The following FRYL variants were observed in gnomAD, a reference collection of about 807,000 sequenced individuals.
The protein encoded by FRYL is FRY like transcription coactivator, also known as protein furry homolog-like.
Under a neutral mutation model 351.2 loss-of-function variants are expected in FRYL, and 150 were observed. That is an observed-to-expected ratio of 0.43 (90% CI 0.37 to 0.49). FRYL has a LOEUF of 0.49. Among genes scored for constraint, FRYL ranks in the 20% least tolerant of loss-of-function variants. The probability of loss-of-function intolerance (pLI) is 0.00; values close to 1 mark genes in which losing one functional copy is unlikely to be tolerated. For missense variants in FRYL, 3,036 were observed against 3,619.3 expected, an observed-to-expected ratio of 0.84 and a Z score of 4.13; for synonymous variants, 1,153 against 1,257.1, an observed-to-expected ratio of 0.92 and a Z score of 1.75.
chr4:48,559,724 C>A, intron 33 of FRYL, among the ~76,000 whole-genome samples: 1 of 144,730 alleles, frequency 6.9e-6, no homozygotes, highest in African/African-American at 2.6e-5. Context: ...GAGACTCTGT[C>A]TCAAAAATAA....
chr4:48,688,868 T>C (rs1479857281), intron 2 of FRYL, among the ~76,000 whole-genome samples: 1 of 152,088 alleles, frequency 6.6e-6, no homozygotes, highest in Admixed American at 6.5e-5. Flanking sequence ...TTCACCATGT[T>C]GGCCAGGCTA....
intron 7 of FRYL, among the ~76,000 whole-genome samples, chr4:48,611,183 T>C (rs1171361874): frequency 6.6e-6 from 1 of 152,118 alleles, no homozygotes; most frequent in Non-Finnish European, 1.5e-5. Context: ...CATATAACAC[T>C]ACATACATCC....
chr4:48,682,182 C>T (rs570607913), intron 3 of FRYL, among the ~76,000 whole-genome samples: 1 of 152,188 alleles, frequency 6.6e-6, no homozygotes, highest in East Asian at 1.9e-4. Context: ...CAATGCTCAA[C>T]ATGAAGAAAA....
At chr4:48,728,368 C>T (rs1770322259) in intron 1 of FRYL, among the ~76,000 whole-genome samples, 1 of 151,226 alleles carries the variant, frequency 6.6e-6, no homozygotes, top group Non-Finnish European at 1.5e-5. Context: ...GAGGACGAAA[C>T]ACAAAACTCA....
At chr4:48,663,525 A>G (rs1488441290) in intron 3 of FRYL, among the ~76,000 whole-genome samples, 1 of 151,724 alleles carries the variant, frequency 6.6e-6, no homozygotes, top group African/African-American at 2.4e-5. Flanking sequence ...TACCTTCAAT[A>G]CAAGTGATCT....
At chr4:48,564,829 C>A (rs571581571) in intron 30 of FRYL, 104 bp downstream of exon 30, 6 of 609,134 alleles carry the variant, frequency 9.9e-6, no homozygotes, top group Non-Finnish European at 1.7e-5. Flanking sequence ...TGATCCTAAC[C>A]TATCTTATTT....
intron 59 of FRYL, among the ~76,000 whole-genome samples, chr4:48,507,088 T>C (rs1379803863): frequency 6.6e-6 from 1 of 152,228 alleles, no homozygotes; most frequent in African/African-American, 2.4e-5. Flanking sequence ...CTTGTCCAGT[T>C]TGTCCAAGTA....
At position 48,557,511 on chromosome 4, in the gene FRYL, C is replaced by T. The variant is rs1355747075; in HGVS notation, c.4067G>A (p.Trp1356Ter). Reference protein sequence around the residue: ...TSRRWLRGEGWGSPQATAMVL... With the variant: ...TSRRWLRGEG ...CATTGCAGTGGCTTGTGGAGATCCC[C>T]ATCCTTCTCCCCGTAACCAGCGCCT... The change falls in exon 34 of 64, where the codon TGG becomes TAG. Residue 1356 changes from tryptophan to a stop codon, truncating the protein, a stop_gained. Coordinates refer to ENST00000358350, the MANE Select transcript of FRYL (RefSeq NM_015030.2). LOFTEE classifies it high-confidence loss of function. 2 of 1,614,028 alleles carry T rather than the reference C, an allele frequency of 1.2e-6. No individual in the cohort carries two copies. Among genetic ancestry groups the T allele is most frequent in the Admixed American group, 1.7e-5 (1 of 60,014 alleles).
rs1159981790 is a variant in FRYL at position 48,505,564 on chromosome 4, T to C, written c.8446A>G (p.Ile2816Val). Residue 2816 changes from isoleucine (I) to valine (V), a missense_variant, in exon 60 of 64, where the codon ATA (isoleucine) becomes GTA (valine). Transcript: ENST00000358350. ...TFGAKEDMYR[I>V]NTDAQQMEIL... ...AAACTTACTTGTGCATCTGTGTTTA[T>C]CCTATACATGTCTTCTTTGGCACCA... 6.2e-7 allele frequency: 1 copy of C among 1,607,812 alleles called. No homozygotes were observed. Among genetic ancestry groups the C allele is most frequent in the Non-Finnish European group, 8.5e-7 (1 of 1,175,662 alleles).
chr4:48,630,087 T>G (rs1752657445), intron 4 of FRYL, among the ~76,000 whole-genome samples: 1 of 152,082 alleles, frequency 6.6e-6, no homozygotes, highest in African/African-American at 2.4e-5. Context: ...TGCTTGCAGC[T>G]AAAGCCTAAA....
rs1448631819 is a variant in FRYL, at chr4:48,549,468, T to C, written c.4784+5A>G. ...ATATGTAAAAGGAATGACGCTGTAG[T>C]CCACCTGTGAAGAGGTAATCCAGGT... On this transcript the variant is annotated splice_donor_5th_base_variant and intron_variant, in intron 39 of 63. Transcript: ENST00000358350. This position sits in a 1 kb window ranked among gnomAD's most constrained non-coding sequence, Gnocchi z 4.2. 2 of 1,606,226 alleles carry C rather than the reference T, an allele frequency of 1.2e-6. No individual in the cohort carries two copies. The highest frequency in any genetic ancestry group is 1.7e-6 in the Non-Finnish European group (2 of 1,174,816).
chr4:48,648,460 T>C (rs1342748373), intron 3 of FRYL, among the ~76,000 whole-genome samples: 1 of 152,158 alleles, frequency 6.6e-6, no homozygotes, highest in East Asian at 1.9e-4. Context: ...CCCAAACTGT[T>C]AACTATTTCT....
At chr4:48,606,311 T>C in intron 10 of FRYL, 127 bp downstream of exon 10, 1 of 563,390 alleles carries the variant, frequency 1.8e-6, no homozygotes. Context: ...TAGAACAACT[T>C]AACACATGGA....
intron 4 of FRYL, among the ~76,000 whole-genome samples, chr4:48,631,441 C>CATT (rs377595565): frequency 0.031 from 4,667 of 151,540 alleles, 76 homozygotes; most frequent in Admixed American, 0.046. Flanking sequence ...AGAATGAAAA[C>CATT]ATTATTATTA....
chr4:48,615,350 C>T (rs1001611334), intron 7 of FRYL, among the ~76,000 whole-genome samples: 10 of 152,054 alleles, frequency 6.6e-5, no homozygotes, highest in East Asian at 1.9e-4. Flanking sequence ...TAATCTACTC[C>T]GTATACATAA....
intron 30 of FRYL, 25 bp from the exon 31 acceptor site, chr4:48,564,127 C>T (rs762371527): frequency 7.5e-5 from 121 of 1,610,858 alleles, no homozygotes; most frequent in Non-Finnish European, 8.7e-5. Flanking sequence ...TGAAATTGCC[C>T]GAGAGAGAAC....
At chr4:48,631,027 C>T (rs1752859083) in intron 4 of FRYL, among the ~76,000 whole-genome samples, 1 of 152,098 alleles carries the variant, frequency 6.6e-6, no homozygotes, top group Non-Finnish European at 1.5e-5. Flanking sequence ...AAAACTGTGA[C>T]AATATTAGAT....
intron 3 of FRYL, among the ~76,000 whole-genome samples, chr4:48,666,878 C>A (rs1761803944): frequency 6.6e-6 from 1 of 151,994 alleles, no homozygotes; most frequent in African/African-American, 2.4e-5. Flanking sequence ...AACACAAAAA[C>A]CCATCAAAAG....
intron 3 of FRYL, among the ~76,000 whole-genome samples, chr4:48,675,491 G>A (rs1387394352): frequency 2.6e-5 from 4 of 152,234 alleles, no homozygotes; most frequent in African/African-American, 9.6e-5. Context: ...CCGGGCCAGC[G>A]GCTGCGGAGG....
Sources: allele counts gnomAD v4.1 joint callset (sites outside exome capture counted in the v4.1 genomes callset), GRCh38; gene constraint gnomAD v4.1.1; non-coding constraint Gnocchi (gnomAD v3.1); transcripts MANE v1.5; gene names NCBI Gene and HGNC (gene_info 2026-07-23, HGNC 2026-07-21).